CSTF3: variants seen among roughly 807,000 people sequenced by gnomAD.
The protein encoded by CSTF3 is CF-1 77 kDa subunit.
Under a neutral mutation model 105.8 loss-of-function variants are expected in CSTF3, and 29 were observed. The ratio of observed to expected loss-of-function variants is 0.27; its 90% CI spans 0.20 to 0.37. CSTF3 has a LOEUF of 0.37. CSTF3 is among the 10% of genes least tolerant of loss of function. The pLI is 1.00. For missense variants in CSTF3, 357 were observed against 879.3 expected (o/e 0.41, Z 7.51); for synonymous variants, 252 against 281.9 (o/e 0.89, Z 1.06).
intron 15 of CSTF3, among the ~76,000 whole-genome samples, chr11:33,095,906 G>A (rs537570331): frequency 3.0e-4 from 46 of 152,210 alleles, no homozygotes; most frequent in Non-Finnish European, 6.2e-4. Context: ...TATCCTCAAA[G>A]TGTTTTACTT....
intron 3 of CSTF3, 74 bp from the exon 4 acceptor site, chr11:33,108,492 TAACC>T (rs1257148393): frequency 5.0e-5 from 61 of 1,221,130 alleles, no homozygotes; most frequent in Non-Finnish European, 6.4e-5. Flanking sequence ...GACCAATTTT[TAACC>T]AACTTTGCAA....
intron 3 of CSTF3, among the ~76,000 whole-genome samples, chr11:33,115,818 A>G (rs1436897024): frequency 1.3e-5 from 2 of 152,168 alleles, no homozygotes; most frequent in African/African-American, 4.8e-5. Context: ...GTTCATGCCT[A>G]TATCTCAGCA....
chr11:33,148,672 G>C (rs1227044555), intron 1 of CSTF3, among the ~76,000 whole-genome samples: 2 of 151,102 alleles, frequency 1.3e-5, no homozygotes, highest in Non-Finnish European at 3.0e-5. Flanking sequence ...CTCCAACCTG[G>C]GTGACAGAGG....
At chr11:33,140,971 T>C (rs1448140663) in intron 3 of CSTF3, 1 of 152,026 alleles carries the variant, frequency 6.6e-6, no homozygotes, top group Non-Finnish European at 1.5e-5. Context: ...AAAATTAACA[T>C]TTTCCTCCTA....
intron 12 of CSTF3, 94 bp from the exon 13 acceptor site, chr11:33,098,858 C>G: frequency 2.5e-6 from 3 of 1,220,056 alleles, no homozygotes; most frequent in South Asian, 1.6e-5. Context: ...CCTCCCACCC[C>G]CAATGGCATC....
chr11:33,151,217 A>T lies in CSTF3; in HGVS notation c.28-9231T>A, dbSNP rs370616874. On this transcript the variant is annotated intron_variant, in intron 1 of 20. Coordinates refer to ENST00000323959, the MANE Select transcript of CSTF3 (RefSeq NM_001326.3). Reference sequence around the variant, plus strand: ...AGTTTTCTTTTTTCTTTGAGACAGGATCTCACTCTGTCACCCAGGCTCGAA... The same window carrying T: ...AGTTTTCTTTTTTCTTTGAGACAGGTTCTCACTCTGTCACCCAGGCTCGAA... 2.7e-4 allele frequency among the ~76,000 whole-genome samples: 41 copies of T among 151,792 alleles called. 1 individual carries two copies. The South Asian group carries it at 8.2e-3, about 30-fold the overall frequency.
intron 3 of CSTF3, among the ~76,000 whole-genome samples, chr11:33,135,088 A>G (rs1469249987): frequency 6.6e-6 from 1 of 152,214 alleles, no homozygotes; most frequent in Non-Finnish European, 1.5e-5. Flanking sequence ...CTTAAAGGTT[A>G]TCTGATTCTT....
chr11:33,122,914 CAAAAAA>C (rs10600978), intron 3 of CSTF3, among the ~76,000 whole-genome samples: 2 of 83,836 alleles, frequency 2.4e-5, no homozygotes, highest in Admixed American at 1.4e-4. Context: ...TATCCTGTCT[CAAAAAA>C]AAAAAAAAAA....
At chr11:33,085,362 C>CTTTGTAG in intron 20 of CSTF3, 73 bp from the exon 21 acceptor site, 1 of 1,207,294 alleles carries the variant, frequency 8.3e-7, no homozygotes, top group Non-Finnish European at 1.1e-6. Flanking sequence ...ACTGTGGATA[C>CTTTGTAG]TTTATTTCAT....
At chr11:33,149,955 G>C (rs972851726) in intron 1 of CSTF3, among the ~76,000 whole-genome samples, 14 of 152,124 alleles carry the variant, frequency 9.2e-5, no homozygotes, top group Admixed American at 4.6e-4. Context: ...GGAGGCAAAG[G>C]TTGCAGTGAG....
At chr11:33,098,858 C>T in intron 12 of CSTF3, 94 bp from the exon 13 acceptor site, 2 of 1,220,056 alleles carry the variant, frequency 1.6e-6, no homozygotes, top group South Asian at 3.3e-5. Flanking sequence ...CCTCCCACCC[C>T]CAATGGCATC....
chr11:33,138,608 T>C (rs1230993181), intron 3 of CSTF3, among the ~76,000 whole-genome samples: 2 of 151,824 alleles, frequency 1.3e-5, no homozygotes, highest in Non-Finnish European at 3.0e-5. Flanking sequence ...TTTAAATGTT[T>C]CCTTTATTTG....
At position 33,099,228 on chromosome 11, in the gene CSTF3, T is replaced by A; in HGVS notation, c.937-78A>T. ...AGAATAAAATTAATAAAGTTACATC[T>A]ACTTTATTTTATTTATGTGTCTAAG... On this transcript the variant is annotated intron_variant, in intron 11 of 20. Transcript: ENST00000323959. The surrounding 1 kb of genome is among the most constrained non-coding windows in gnomAD (Gnocchi z 4.1). 1 of 1,478,984 alleles carries A rather than the reference T, an allele frequency of 6.8e-7. No individual in the cohort carries two copies. Among genetic ancestry groups the A allele is most frequent in the Non-Finnish European group, 9.1e-7 (1 of 1,100,628 alleles). 91.6% of individuals were successfully genotyped at this position (1,478,984 alleles called of 1,614,324 possible).
chr11:33,148,804 A>G lies in CSTF3; in HGVS notation c.28-6818T>C, dbSNP rs187437866. ...TTTTCTCAGAATAATATTCTTAAATACATAAATTCTGAGGGATTTCCAAGG... is the reference window on the plus strand; with the variant it reads ...TTTTCTCAGAATAATATTCTTAAATGCATAAATTCTGAGGGATTTCCAAGG... On this transcript the variant is annotated intron_variant, in intron 1 of 20. Transcript: ENST00000323959. Among the ~76,000 whole-genome samples, 180 of 151,560 alleles carry G rather than the reference A, an allele frequency of 1.2e-3. 1 individual carries two copies. Among genetic ancestry groups the G allele is most frequent in the African/African-American group, 4.2e-3 (174 of 41,302 alleles).
chr11:33,109,332 C>G (rs948737280), intron 3 of CSTF3, among the ~76,000 whole-genome samples: 1 of 152,232 alleles, frequency 6.6e-6, no homozygotes, highest in Admixed American at 6.5e-5. Context: ...TCAAGTAGTA[C>G]AGTAATAGAG....
At chr11:33,161,245 G>A in intron 1 of CSTF3, 54 bp downstream of exon 1, 2 of 1,604,634 alleles carry the variant, frequency 1.2e-6, no homozygotes, top group Non-Finnish European at 1.7e-6. Flanking sequence ...AGCAGTCGGA[G>A]GAACAGACGT....
At chr11:33,160,388 A>C in intron 1 of CSTF3, among the ~76,000 whole-genome samples, 1 of 152,192 alleles carries the variant, frequency 6.6e-6, no homozygotes, top group Admixed American at 6.5e-5. Flanking sequence ...ACCTAAGTGC[A>C]TGTCGTTGCT....
At chr11:33,093,171 A>G (rs1184874750) in intron 15 of CSTF3, among the ~76,000 whole-genome samples, 2 of 152,232 alleles carry the variant, frequency 1.3e-5, no homozygotes, top group African/African-American at 2.4e-5. Flanking sequence ...CATGTCCATA[A>G]GCAAAATAAA....
At chr11:33,157,914 T>C (rs555321117) in intron 1 of CSTF3, among the ~76,000 whole-genome samples, 1 of 152,312 alleles carries the variant, frequency 6.6e-6, no homozygotes, top group African/African-American at 2.4e-5. Flanking sequence ...TCATCCATGA[T>C]TTCAGGTTAT....
Sources: allele counts gnomAD v4.1 joint callset (sites outside exome capture counted in the v4.1 genomes callset), GRCh38; gene constraint gnomAD v4.1.1; non-coding constraint Gnocchi (gnomAD v3.1); transcripts MANE v1.5; gene names NCBI Gene and HGNC (gene_info 2026-07-23, HGNC 2026-07-21).